C12orf43: variants seen among roughly 807,000 people sequenced by gnomAD.
The protein encoded by C12orf43 is chromosome 12 open reading frame 43, also known as protein CUSTOS.
C12orf43 carries 15 observed loss-of-function variants against 20.6 expected under a neutral mutation model. The observed-to-expected ratio is 0.73, with a 90% CI of 0.49 to 1.12. The LOEUF (loss-of-function observed/expected upper bound fraction) is 1.12, where lower values mean the gene tolerates loss of function less well. C12orf43 is among the 50% of genes most tolerant of loss of function. The probability of loss-of-function intolerance (pLI) is 0.00; values close to 1 mark genes in which losing one functional copy is unlikely to be tolerated. For missense variants in C12orf43, 334 were observed against 344.4 expected, an observed-to-expected ratio of 0.97 and a Z score of 0.24; for synonymous variants, 144 against 130.8, an observed-to-expected ratio of 1.10 and a Z score of -0.69.
rs1877966896 is a variant in C12orf43, at chr12:121,005,805, G to A, written c.361+516C>T. The A allele has an allele frequency of 6.4e-6, 1 of 156,890 alleles. No individual in the cohort carries two copies. The allele number at this position is 156,890 out of a possible 1,614,324, so 9.7% of individuals were successfully genotyped here. On this transcript the variant is annotated intron_variant, in intron 4 of 5. Coordinates refer to ENST00000288757, the MANE Select transcript of C12orf43 (RefSeq NM_022895.3). The surrounding 1 kb of genome is among the most constrained non-coding windows in gnomAD (Gnocchi z 5.6). ...CAGGGGCTGAGCAGATGAAAGAATG[G>A]TGAGGTGGCCCATGCCTGTAACCCC...
rs960126133 is a variant in C12orf43, at chr12:121,001,373, G to A, written c.*2780C>T. On this transcript the variant is annotated 3_prime_UTR_variant, in exon 6 of 6. Transcript: ENST00000288757. ...GGAGGGCTCTGAGGCGCCCCAACCC[G>A]TGGAGGCTGCTCGGGGTGCACAGGA... is the stretch of plus-strand genomic sequence containing the variant. 3.0e-5 allele frequency: 22 copies of A among 737,994 alleles called. No homozygotes were observed. The East Asian group carries it at 3.3e-4, about 11-fold the overall frequency. 45.7% of individuals were successfully genotyped at this position (737,994 alleles called of 1,614,324 possible). A position where few individuals can be genotyped will look rare whatever the true frequency, so the allele number is the denominator to read the frequency against.
Position 121,005,222 on chromosome 12 carries a change from A to G in C12orf43, c.362-129T>C. The G allele has an allele frequency of 2.0e-6, 1 of 500,950 alleles. No individual in the cohort carries two copies. Among genetic ancestry groups the G allele is most frequent in the Non-Finnish European group, 3.2e-6 (1 of 316,078 alleles). 31.0% of individuals were successfully genotyped at this position (500,950 alleles called of 1,614,324 possible). On this transcript the variant is annotated intron_variant, in intron 4 of 5. Transcript: ENST00000288757. The surrounding 1 kb of genome is among the most constrained non-coding windows in gnomAD (Gnocchi z 5.6). ...AAAACGAAAGAAAGAAAAGATAAAG[A>G]GAAACAAAAAAAAAATTTTAAGAAG...
chr12:121,008,192 T>G (rs913364810), intron 3 of C12orf43, among the ~76,000 whole-genome samples: 3 of 152,006 alleles, frequency 2.0e-5, no homozygotes, highest in Admixed American at 2.0e-4. Flanking sequence ...TGGAGTGCAG[T>G]GGCACGATCT....
At chr12:121,014,565 G>A (rs1592924196) in intron 1 of C12orf43, among the ~76,000 whole-genome samples, 1 of 150,480 alleles carries the variant, frequency 6.6e-6, no homozygotes, top group Non-Finnish European at 1.5e-5. Context: ...AGGAGGCAGA[G>A]GTTGCAGTGA....
In C12orf43 at chr12:121,016,408, G is replaced by T. The variant is rs773915946; in HGVS notation, c.67C>A (p.Leu23Met). 7 of 1,613,882 alleles carry T rather than the reference G, an allele frequency of 4.3e-6. No individual in the cohort carries two copies. In the Admixed American group the frequency reaches 6.7e-5, roughly 15 times the overall value. The change falls in exon 1 of 6, where the codon CTG becomes ATG. Residue 23 changes from leucine (L) to methionine (M), a missense_variant. Coordinates refer to ENST00000288757, the MANE Select transcript of C12orf43 (RefSeq NM_022895.3). The part of the protein sequence containing the change: ...SSNSSSDAEE[L>M]ERCREAAMPA... The stretch of plus-strand genomic sequence containing the variant: ...ATTGCCGCCTCGCGGCACCGCTCCA[G>T]CTCCTCCGCATCGCTACTGCTGTTA...
chr12:121,006,233 A>G (rs1878007666), intron 4 of C12orf43, 88 bp downstream of exon 4: 30 of 1,203,272 alleles, frequency 2.5e-5, no homozygotes, highest in Middle Eastern at 2.0e-4. Flanking sequence ...GAAAAAAAAA[A>G]AAGAATATAC....
intron 1 of C12orf43, chr12:121,012,646 A>C: frequency 1.9e-6 from 1 of 531,136 alleles, no homozygotes; most frequent in East Asian, 3.5e-5. Flanking sequence ...AGGTCAAGAG[A>C]TCGAGACCAT....
intron 3 of C12orf43, among the ~76,000 whole-genome samples, chr12:121,009,387 T>G (rs1417665364): frequency 1.3e-5 from 2 of 152,132 alleles, no homozygotes; most frequent in Admixed American, 1.3e-4. Flanking sequence ...ACCCAGGAAC[T>G]GGAGGTTGTT....
At chr12:121,006,232 AAAAG>A in intron 4 of C12orf43, 85 bp downstream of exon 4, 7 of 1,200,032 alleles carry the variant, frequency 5.8e-6, no homozygotes, top group Admixed American at 2.2e-5. Flanking sequence ...AGAAAAAAAA[AAAAG>A]AATATACCAA....
chr12:121,006,732 T>C (rs956095129), intron 3 of C12orf43: 2 of 248,576 alleles, frequency 8.0e-6, no homozygotes, highest in Non-Finnish European at 1.6e-5. Flanking sequence ...GGCCAGGAGA[T>C]CGAGACCATT....
rs562238054 is a variant in C12orf43, at chr12:121,001,281, C to T, written c.*2872G>A. ...CCCTGCCTGGAGGACCTGAGCCTGC[C>T]GAGCAACCGTGGCCCTTCCTGGACA... On this transcript the variant is annotated 3_prime_UTR_variant, in exon 6 of 6. Transcript: ENST00000288757. 3.4e-5 allele frequency: 52 copies of T among 1,513,048 alleles called. No individual in the cohort carries two copies. In the East Asian group the frequency reaches 4.2e-4, roughly 12 times the overall value. The allele number at this position is 1,513,048 out of a possible 1,614,324, so 93.7% of individuals were successfully genotyped here. A position where few individuals can be genotyped will look rare whatever the true frequency, so the allele number is the denominator to read the frequency against.
At chr12:121,012,648 C>T (rs548615921) in intron 1 of C12orf43, 76 of 520,360 alleles carry the variant, frequency 1.5e-4, no homozygotes, top group South Asian at 3.8e-5. Flanking sequence ...GTCAAGAGAT[C>T]GAGACCATCC....
intron 1 of C12orf43, among the ~76,000 whole-genome samples, chr12:121,013,585 T>G (rs1281726164): frequency 3.9e-5 from 6 of 152,238 alleles, no homozygotes; most frequent in Non-Finnish European, 5.9e-5. Context: ...TGTCTTGGTT[T>G]GAATTAATTG....
intron 1 of C12orf43, chr12:121,012,496 C>T (rs1028166978): frequency 1.1e-5 from 8 of 702,274 alleles, no homozygotes; most frequent in African/African-American, 3.5e-5. Context: ...GGCAGGAACA[C>T]GGAGTCTGCT....
rs1877545428 is a variant in C12orf43 at position 121,002,213 on chromosome 12, A to G, written c.*1940T>C. On this transcript the variant is annotated 3_prime_UTR_variant, in exon 6 of 6. Coordinates refer to ENST00000288757, the MANE Select transcript of C12orf43 (RefSeq NM_022895.3). Reference sequence around the variant, plus strand: ...CAGGGCACAGGAGCTACCTGTGTGGACAGGACTAACACTCAGAAGCCTGGG... The same window carrying G: ...CAGGGCACAGGAGCTACCTGTGTGGGCAGGACTAACACTCAGAAGCCTGGG... 1 of 449,952 alleles carries G rather than the reference A, an allele frequency of 2.2e-6. No homozygotes were observed. Among genetic ancestry groups the G allele is most frequent in the Non-Finnish European group, 4.2e-6 (1 of 236,326 alleles). 27.9% of individuals were successfully genotyped at this position (449,952 alleles called of 1,614,324 possible). A position where few individuals can be genotyped will look rare whatever the true frequency, so the allele number is the denominator to read the frequency against.
chr12:121,005,241 TAAG>T lies in C12orf43; in HGVS notation c.362-151_362-149del, dbSNP rs1345369534. 23 of 437,842 alleles carry T rather than the reference TAAG, an allele frequency of 5.3e-5. No individual in the cohort carries two copies. In the South Asian group the frequency reaches 1.9e-3, roughly 36 times the overall value. The allele number at this position is 437,842 out of a possible 1,614,324, so 27.1% of individuals were successfully genotyped here. On this transcript the variant is annotated intron_variant, in intron 4 of 5. Coordinates refer to ENST00000288757, the MANE Select transcript of C12orf43 (RefSeq NM_022895.3). The surrounding 1 kb of genome is among the most constrained non-coding windows in gnomAD (Gnocchi z 5.6). ...ATAAAGAGAAACAAAAAAAAAATTT[TAAG>T]AAGACACAAAATAAAAAAATTTAAA...
intron 3 of C12orf43, among the ~76,000 whole-genome samples, chr12:121,008,044 C>T (rs1433246182): frequency 6.6e-6 from 1 of 151,994 alleles, no homozygotes; most frequent in Admixed American, 6.6e-5. Flanking sequence ...GAAGGATAGA[C>T]CCCCACGACA....
rs1868935789 is a variant in C12orf43 at position 121,016,418 on chromosome 12, A to G, written c.57T>C (p.Asp19=). 6.2e-7 allele frequency: 1 copy of G among 1,613,920 alleles called. No individual in the cohort carries two copies. The highest frequency in any genetic ancestry group is 8.5e-7 in the Non-Finnish European group (1 of 1,180,032). Residue 19 remains aspartate, a synonymous_variant, in exon 1 of 6, where the codon GAT becomes GAC. Coordinates refer to ENST00000288757, the MANE Select transcript of C12orf43 (RefSeq NM_022895.3). ...SDSESSNSSS[D]AEELERCREA... ...CGCGGCACCGCTCCAGCTCCTCCGCATCGCTACTGCTGTTACTACTTTCCG... is the reference window on the plus strand; with the variant it reads ...CGCGGCACCGCTCCAGCTCCTCCGCGTCGCTACTGCTGTTACTACTTTCCG...
Position 121,005,017 on chromosome 12 carries a change from C to A in C12orf43, c.438G>T (p.Gln146His). ...TGAGTTCTCACCTGGAGCTGGAGGG[C>A]TGTCGCTTTCGGCGGGGTTGGGGAG... The part of the protein sequence containing the change: ...EESPQPRRKR[Q>H]PSSSSEDSDE... Residue 146 changes from glutamine to histidine, a missense_variant, in exon 5 of 6, where the codon CAG (glutamine) becomes CAT (histidine). Transcript: ENST00000288757. This position sits in a 1 kb window ranked among gnomAD's most constrained non-coding sequence, Gnocchi z 5.6. The A allele has an allele frequency of 1.3e-6, 2 of 1,540,274 alleles. No homozygotes were observed. The highest frequency in any genetic ancestry group is 1.7e-6 in the Non-Finnish European group (2 of 1,144,554).
Sources: allele counts gnomAD v4.1 joint callset (sites outside exome capture counted in the v4.1 genomes callset), GRCh38; gene constraint gnomAD v4.1.1; non-coding constraint Gnocchi (gnomAD v3.1); transcripts MANE v1.5; gene names NCBI Gene and HGNC (gene_info 2026-07-23, HGNC 2026-07-21).